Variants in PCDHGA4 observed in about 807,000 individuals in gnomAD.
PCDHGA4 encodes the protein protocadherin gamma subfamily A, 4, also known as protocadherin gamma-A4.
A neutral mutation model predicts 54.6 loss-of-function variants in PCDHGA4; 38 were observed. The observed-to-expected ratio is 0.70, with a 90% confidence interval of 0.54 to 0.91. PCDHGA4 has a LOEUF of 0.91. Among genes scored for constraint, PCDHGA4 ranks in the 40% least tolerant of loss-of-function variants. PCDHGA4 has a pLI of 0.00. For missense variants in PCDHGA4, 1,298 were observed against 1,220.9 expected (o/e 1.06, Z -0.94); for synonymous variants, 511 against 512.9 (o/e 1.00, Z 0.05).
chr5:141,491,508 G>T lies in PCDHGA4; in HGVS notation c.2515-3299G>T. 1 of 1,614,030 alleles carries T rather than the reference G, an allele frequency of 6.2e-7. No homozygotes were observed. Among genetic ancestry groups the T allele is most frequent in the Non-Finnish European group, 8.5e-7 (1 of 1,180,014 alleles). ...ACCTGCAGGTGAGCTCGGACGGCACGCTCAAGTACATGGAGGTGACGCTGC... is the reference window on the plus strand; with the variant it reads ...ACCTGCAGGTGAGCTCGGACGGCACTCTCAAGTACATGGAGGTGACGCTGC... On this transcript the variant is annotated intron_variant, in intron 1 of 3. Transcript: ENST00000571252. The surrounding 1 kb of genome is among the most constrained non-coding windows in gnomAD (Gnocchi z 6.9).
intron 1 of PCDHGA4, chr5:141,374,306 TTC>T (rs1561562207): frequency 6.2e-7 from 1 of 1,613,958 alleles, no homozygotes. Context: ...GATGCAGCTT[TTC>T]TCTCTGAATC....
chr5:141,384,412 G>T lies in PCDHGA4; in HGVS notation c.2514+26791G>T, dbSNP rs776239248. The T allele has an allele frequency of 9.9e-6, 16 of 1,613,894 alleles. 1 individual carries two copies. The Middle Eastern group carries it at 2.3e-3, about 233-fold the overall frequency. ...CCAGGGGGCTCCAGTGTCCTCCTAT[G>T]TCTCCATAAACTCTGACACTGGAGT... On this transcript the variant is annotated intron_variant, in intron 1 of 3. Transcript: ENST00000571252.
Position 141,370,276 on chromosome 5 carries a change from C to G in PCDHGA4, c.2514+12655C>G, listed in dbSNP as rs1259059865. The G allele has an allele frequency of 3.6e-6, 3 of 839,228 alleles. No homozygotes were observed. The African/African-American group carries it at 5.1e-5, about 14-fold the overall frequency. 52.0% of individuals were successfully genotyped at this position (839,228 alleles called of 1,614,324 possible). ...ATCAGGCTTCCTGCAGCGGAGACAC[C>G]CATTAGAGAACCCAAGCACAAAGAC... On this transcript the variant is annotated intron_variant, in intron 1 of 3. Coordinates refer to ENST00000571252, the MANE Select transcript of PCDHGA4 (RefSeq NM_018917.4).
intron 1 of PCDHGA4, chr5:141,378,176 C>A (rs541529562): frequency 6.6e-6 from 1 of 152,124 alleles, no homozygotes; most frequent in South Asian, 2.1e-4. Context: ...AACTAAGCAC[C>A]GATGCTGTGT....
intron 1 of PCDHGA4, among the ~76,000 whole-genome samples, chr5:141,470,181 A>G (rs974401154): frequency 3.9e-5 from 6 of 152,236 alleles, no homozygotes; most frequent in African/African-American, 9.6e-5. Flanking sequence ...AAAATATTCA[A>G]GTAAACTTCA....
chr5:141,509,699 C>T (rs779592471), intron 3 of PCDHGA4, among the ~76,000 whole-genome samples: 4 of 152,168 alleles, frequency 2.6e-5, no homozygotes, highest in Non-Finnish European at 5.9e-5. Flanking sequence ...GGACGTTGGA[C>T]TGGAGGTGCT....
chr5:141,369,472 G>C (rs557451479), intron 1 of PCDHGA4, among the ~76,000 whole-genome samples: 3 of 152,128 alleles, frequency 2.0e-5, no homozygotes, highest in Non-Finnish European at 4.4e-5. Flanking sequence ...TTCTAGCCCA[G>C]CCTGGGCAAC....
At chr5:141,361,317 G>A in intron 1 of PCDHGA4, 2 of 1,613,944 alleles carry the variant, frequency 1.2e-6, no homozygotes, top group Non-Finnish European at 8.5e-7. Flanking sequence ...AGTTTATTTT[G>A]AAATCTTCCT....
chr5:141,491,483 A>ACCTGCAGGTGAGCTCGG lies in PCDHGA4; in HGVS notation c.2515-3323_2515-3307dup. The ACCTGCAGGTGAGCTCGG allele has an allele frequency of 3.1e-6, 5 of 1,614,018 alleles. No individual in the cohort carries two copies. The highest frequency in any genetic ancestry group is 4.2e-6 in the Non-Finnish European group (5 of 1,180,012). ...GACTTCTATAAGCAGTCCAGCCCCAACCTGCAGGTGAGCTCGGACGGCACG... is the reference window on the plus strand; with the variant it reads ...GACTTCTATAAGCAGTCCAGCCCCAACCTGCAGGTGAGCTCGGCCTGCAGGTGAGCTCGGACGGCACG... On this transcript the variant is annotated intron_variant, in intron 1 of 3. Coordinates refer to ENST00000571252, the MANE Select transcript of PCDHGA4 (RefSeq NM_018917.4). The surrounding 1 kb of genome is among the most constrained non-coding windows in gnomAD (Gnocchi z 6.9).
At position 141,487,534 on chromosome 5, in the gene PCDHGA4, G is replaced by T; in HGVS notation, c.2515-7273G>T. The T allele has an allele frequency of 6.2e-7, 1 of 1,614,174 alleles. No homozygotes were observed. The highest frequency in any genetic ancestry group is 8.5e-7 in the Non-Finnish European group (1 of 1,180,034). ...CCACTCGGAGTGATAGCTTCATGAT[G>T]GTGAAGTCACCCAGTGCACCTATGG... On this transcript the variant is annotated intron_variant, in intron 1 of 3. Coordinates refer to ENST00000571252, the MANE Select transcript of PCDHGA4 (RefSeq NM_018917.4). This position sits in a 1 kb window ranked among gnomAD's most constrained non-coding sequence, Gnocchi z 5.0.
chr5:141,467,084 A>T, intron 1 of PCDHGA4, among the ~76,000 whole-genome samples: 1 of 142,674 alleles, frequency 7.0e-6, no homozygotes, highest in African/African-American at 2.6e-5. Context: ...ACCAAGTCTC[A>T]CTCTGTCACA....
At chr5:141,376,652 C>T (rs1030026607) in intron 1 of PCDHGA4, 3 of 877,708 alleles carry the variant, frequency 3.4e-6, no homozygotes, top group East Asian at 2.7e-5. Context: ...AAGTGGAAGA[C>T]TCCCTTGTTC....
chr5:141,396,347 G>A (rs765584625), intron 1 of PCDHGA4: 21 of 152,416 alleles, frequency 1.4e-4, no homozygotes, highest in Non-Finnish European at 2.5e-4. Context: ...GGCCGGGTGC[G>A]GTGGCTCACG....
intron 1 of PCDHGA4, among the ~76,000 whole-genome samples, chr5:141,444,095 T>C (rs1012556994): frequency 2.0e-5 from 3 of 150,676 alleles, no homozygotes; most frequent in Admixed American, 1.3e-4. Flanking sequence ...CTGCTAAGGA[T>C]TGGAAACCAA....
At chr5:141,357,835 A>G in intron 1 of PCDHGA4, 1 of 654,218 alleles carries the variant, frequency 1.5e-6, no homozygotes, top group South Asian at 2.1e-5. Context: ...GTCTTCATTC[A>G]GTTGTAGTTT....
intron 1 of PCDHGA4, chr5:141,389,202 A>G (rs2091644944): frequency 6.2e-6 from 10 of 1,613,852 alleles, no homozygotes; most frequent in Non-Finnish European, 8.5e-6. Context: ...CACCCTGCAC[A>G]TTGGTGATGT....
intron 1 of PCDHGA4, chr5:141,379,317 C>T (rs914765409): frequency 1.3e-5 from 2 of 152,162 alleles, no homozygotes; most frequent in East Asian, 1.9e-4. Context: ...AACAAGAGAT[C>T]TAATCATACA....
chr5:141,364,818 G>A lies in PCDHGA4; in HGVS notation c.2514+7197G>A. ...CCCTTCGCGCGGGATGCGGATGTGGGTGTGAACTCTCTCCGGAGTTACCAG... is the reference window on the plus strand; with the variant it reads ...CCCTTCGCGCGGGATGCGGATGTGGATGTGAACTCTCTCCGGAGTTACCAG... On this transcript the variant is annotated intron_variant, in intron 1 of 3. Transcript: ENST00000571252. 1 of 1,614,014 alleles carries A rather than the reference G, an allele frequency of 6.2e-7. No individual in the cohort carries two copies. The highest frequency in any genetic ancestry group is 8.5e-7 in the Non-Finnish European group (1 of 1,179,904).
chr5:141,364,744 A>T (rs1366184046), intron 1 of PCDHGA4: 1 of 1,613,990 alleles, frequency 6.2e-7, no homozygotes, highest in Non-Finnish European at 8.5e-7. Flanking sequence ...ATGAAGAGTT[A>T]AAAGTAAAAG....
Sources: gnomAD v4.1 joint callset for allele counts (sites outside exome capture counted in the v4.1 genomes callset) on GRCh38, gnomAD v4.1.1 for gene constraint, Gnocchi (gnomAD v3.1) non-coding constraint, MANE v1.5 for transcripts, NCBI Gene and HGNC (gene_info 2026-07-23, HGNC 2026-07-21) for gene names.